The following CADM2 variants were observed in gnomAD, a reference collection of about 807,000 sequenced individuals.
The protein encoded by CADM2 is cell adhesion molecule 2.
CADM2 carries 12 observed loss-of-function variants against 49.8 expected under a neutral mutation model. The observed-to-expected ratio is 0.24, with a 90% CI of 0.15 to 0.39. The LOEUF is 0.39. CADM2 is among the 10% of genes least tolerant of loss of function. The pLI is 1.00. For synonymous variants in CADM2, 214 were observed against 175.4 expected (o/e 1.22, Z -1.74); for missense variants, 378 against 492.3 (o/e 0.77, Z 2.20).
chr3:85,247,647 C>G (rs999752463), intron 1 of CADM2, among the ~76,000 whole-genome samples: 2 of 152,066 alleles, frequency 1.3e-5, no homozygotes, highest in Admixed American at 1.3e-4. Context: ...TTAGGAGCTG[C>G]GAATTGACTT....
chr3:85,552,601 T>C (rs1423852025), intron 1 of CADM2, among the ~76,000 whole-genome samples: 3 of 151,938 alleles, frequency 2.0e-5, no homozygotes, highest in Non-Finnish European at 4.4e-5. Context: ...AGGATGGTCT[T>C]GATCTCCTGA....
intron 1 of CADM2, among the ~76,000 whole-genome samples, chr3:85,672,112 A>G (rs540898890): frequency 2.1e-4 from 32 of 152,110 alleles, no homozygotes; most frequent in African/African-American, 7.5e-4. Flanking sequence ...AGTCTCATAT[A>G]GTTATTCAAA....
At chr3:85,157,048 G>C (rs1038766387) in intron 1 of CADM2, among the ~76,000 whole-genome samples, 8 of 152,042 alleles carry the variant, frequency 5.3e-5, no homozygotes, top group Non-Finnish European at 1.0e-4. Flanking sequence ...ACCAACAACA[G>C]ACAAACAGAG....
At chr3:85,542,569 G>A (rs563940436) in intron 1 of CADM2, among the ~76,000 whole-genome samples, 6 of 152,268 alleles carry the variant, frequency 3.9e-5, no homozygotes, top group Admixed American at 6.5e-5. Context: ...TTTTATGACA[G>A]CATGAAAATC....
chr3:85,627,539 C>T (rs1379119628), intron 1 of CADM2, among the ~76,000 whole-genome samples: 1 of 151,846 alleles, frequency 6.6e-6, no homozygotes, highest in Non-Finnish European at 1.5e-5. Flanking sequence ...ATGGATTAGC[C>T]ACCTGAGTAT....
chr3:85,971,727 A>T (rs1321821277), intron 8 of CADM2, among the ~76,000 whole-genome samples: 2 of 151,646 alleles, frequency 1.3e-5, no homozygotes, highest in East Asian at 3.9e-4. Context: ...CATTTTTTTC[A>T]TACTTGAAAT....
chr3:85,421,977 G>C (rs889816336), intron 1 of CADM2, among the ~76,000 whole-genome samples: 26 of 152,188 alleles, frequency 1.7e-4, no homozygotes, highest in African/African-American at 6.3e-4. Flanking sequence ...ACTTGTCACT[G>C]ATAACTTCAA....
chr3:85,102,430 A>C (rs952664656), intron 1 of CADM2, among the ~76,000 whole-genome samples: 3 of 152,198 alleles, frequency 2.0e-5, no homozygotes, highest in African/African-American at 7.2e-5. Context: ...TTGATGTTTA[A>C]TATACATAAT....
intron 1 of CADM2, among the ~76,000 whole-genome samples, chr3:85,638,221 G>A (rs2064578131): frequency 6.6e-6 from 1 of 152,124 alleles, no homozygotes; most frequent in African/African-American, 2.4e-5. Context: ...TGAAGGGAAA[G>A]CTATAATTTA....
At chr3:85,949,685 TG>T (rs1404440441) in intron 7 of CADM2, among the ~76,000 whole-genome samples, 1 of 151,264 alleles carries the variant, frequency 6.6e-6, no homozygotes, top group African/African-American at 2.4e-5. Flanking sequence ...ATCAGATAAA[TG>T]CTATGGACTT....
At chr3:85,813,313 T>G (rs1577373940) in intron 3 of CADM2, among the ~76,000 whole-genome samples, 1 of 152,224 alleles carries the variant, frequency 6.6e-6, no homozygotes, top group African/African-American at 2.4e-5. Flanking sequence ...ATGATAAGCT[T>G]TTTTTCATGT....
intron 1 of CADM2, among the ~76,000 whole-genome samples, chr3:85,137,869 T>C (rs2039462968): frequency 6.6e-6 from 1 of 152,102 alleles, no homozygotes; most frequent in Admixed American, 6.6e-5. Flanking sequence ...TTGGAATATA[T>C]TATGTATAAA....
chr3:85,657,975 T>C (rs2065265288), intron 1 of CADM2, among the ~76,000 whole-genome samples: 1 of 151,988 alleles, frequency 6.6e-6, no homozygotes, highest in African/African-American at 2.4e-5. Context: ...ATATCTCTAA[T>C]TTGTATGTGT....
At chr3:85,160,526 T>C (rs2040290009) in intron 1 of CADM2, among the ~76,000 whole-genome samples, 1 of 152,172 alleles carries the variant, frequency 6.6e-6, no homozygotes, top group Non-Finnish European at 1.5e-5. Flanking sequence ...TATTTGTTGC[T>C]CATATTGTAG....
chr3:85,022,557 G>A (rs981910824), intron 1 of CADM2, among the ~76,000 whole-genome samples: 9 of 152,126 alleles, frequency 5.9e-5, no homozygotes, highest in Admixed American at 5.2e-4. Context: ...TGGCCTAAAT[G>A]TTTTTATTTT....
At chr3:85,797,626 A>G (rs2071707693) in intron 2 of CADM2, among the ~76,000 whole-genome samples, 1 of 152,132 alleles carries the variant, frequency 6.6e-6, no homozygotes, top group African/African-American at 2.4e-5. Context: ...TCCATGGTGT[A>G]TATGTGCCAC....
chr3:85,366,747 G>A lies in CADM2; in HGVS notation c.62-359775G>A, dbSNP rs138244189. Among the ~76,000 whole-genome samples the A allele has an allele frequency of 1.3e-3, 203 of 152,024 alleles. 7 individuals are homozygous for A. In the East Asian group the frequency reaches 0.036, roughly 27 times the overall value. Reference sequence around the variant, plus strand: ...TGCCGAAATCTAAAATACTAAATCTGTCACTCAATGAATGACATATAATTT... The same window carrying A: ...TGCCGAAATCTAAAATACTAAATCTATCACTCAATGAATGACATATAATTT... On this transcript the variant is annotated intron_variant, in intron 1 of 9. Transcript: ENST00000383699.
At chr3:85,391,993 G>A (rs1189374036) in intron 1 of CADM2, among the ~76,000 whole-genome samples, 3 of 152,088 alleles carry the variant, frequency 2.0e-5, no homozygotes, top group South Asian at 2.1e-4. Context: ...GCTGTTACAA[G>A]CTTCCTGTCA....
chr3:85,883,584 A>ATT, intron 4 of CADM2, 141 bp downstream of exon 4: 1 of 709,978 alleles, frequency 1.4e-6, no homozygotes. Flanking sequence ...ACATTTTAAC[A>ATT]CAGGCGTTTT....
Sources: allele counts gnomAD v4.1 joint callset (sites outside exome capture counted in the v4.1 genomes callset), GRCh38; gene constraint gnomAD v4.1.1; transcripts MANE v1.5; gene names NCBI Gene and HGNC (gene_info 2026-07-23, HGNC 2026-07-21).